The following TRIO variants were observed in gnomAD, a reference collection of about 807,000 sequenced individuals.
The protein encoded by TRIO is triple functional domain protein.
In TRIO, 58 loss-of-function variants were observed where a neutral mutation model predicts 351.9. That is an observed-to-expected ratio of 0.16 (90% CI 0.13 to 0.21). TRIO has a LOEUF of 0.21. TRIO is among the 10% of genes least tolerant of loss of function. The probability of loss-of-function intolerance (pLI) is 1.00; values close to 1 mark genes in which losing one functional copy is unlikely to be tolerated. For synonymous variants in TRIO, 1,758 were observed against 1,595.7 expected, an observed-to-expected ratio of 1.10 and a Z score of -2.42; for missense variants, 3,201 against 4,027.8, an observed-to-expected ratio of 0.79 and a Z score of 5.56.
intron 1 of TRIO, among the ~76,000 whole-genome samples, chr5:14,259,746 C>T (rs1795233721): frequency 6.6e-6 from 1 of 151,584 alleles, no homozygotes; most frequent in Admixed American, 6.6e-5. Flanking sequence ...AGATTGCATG[C>T]TGAATTCAGC....
At chr5:14,181,524 G>A (rs960066513) in intron 1 of TRIO, among the ~76,000 whole-genome samples, 1 of 152,218 alleles carries the variant, frequency 6.6e-6, no homozygotes, top group Admixed American at 6.5e-5. Flanking sequence ...ATTGCAGATG[G>A]TCGTGGGCAG....
chr5:14,386,557 A>G (rs1746560330), intron 21 of TRIO, among the ~76,000 whole-genome samples: 1 of 152,234 alleles, frequency 6.6e-6, no homozygotes, highest in South Asian at 2.1e-4. Context: ...GGAGAATAGC[A>G]GGTTCCATAG....
rs751881856 is a variant in TRIO, at chr5:14,488,114, C to G, written c.7486C>G (p.Arg2496Gly). 1.2e-6 allele frequency: 2 copies of G among 1,609,598 alleles called. No individual in the cohort carries two copies. The highest frequency in any genetic ancestry group is 2.2e-5 in the South Asian group (2 of 90,950). The change falls in exon 48 of 57, where the codon CGA becomes GGA. Residue 2496 changes from arginine (R) to glycine (G), a missense_variant. Transcript: ENST00000344204. ...CTCCATCCCCGCCTCCCCCGCCAGC[C>G]GACCCGGCTCCTTCACCTTCCCGGG... is the stretch of plus-strand genomic sequence containing the variant. Reference protein sequence around the residue: ...WSSIPASPASRPGSFTFPGDS... With the variant: ...WSSIPASPASGPGSFTFPGDS...
chr5:14,158,690 G>A (rs900955051), intron 1 of TRIO, among the ~76,000 whole-genome samples: 1 of 152,114 alleles, frequency 6.6e-6, no homozygotes, highest in Non-Finnish European at 1.5e-5. Context: ...AATTCGCTGG[G>A]CTTGGTGGCG....
intron 33 of TRIO, among the ~76,000 whole-genome samples, chr5:14,413,044 A>G (rs1283945721): frequency 6.6e-6 from 1 of 152,226 alleles, no homozygotes; most frequent in Non-Finnish European, 1.5e-5. Context: ...TGTCTCCGTT[A>G]TACAGATGGC....
chr5:14,406,115 AT>A (rs1468437609), intron 32 of TRIO, 125 bp downstream of exon 32: 1 of 1,327,314 alleles, frequency 7.5e-7, no homozygotes, highest in African/African-American at 1.5e-5. Flanking sequence ...TTAAACTGCC[AT>A]TTGTGGATAA....
chr5:14,201,246 G>A (rs1411047141), intron 1 of TRIO, among the ~76,000 whole-genome samples: 1 of 152,050 alleles, frequency 6.6e-6, no homozygotes, highest in Non-Finnish European at 1.5e-5. Context: ...GGCAACAAGA[G>A]CGAAACTCCA....
intron 1 of TRIO, among the ~76,000 whole-genome samples, chr5:14,174,043 C>T (rs1332341076): frequency 6.6e-6 from 1 of 152,198 alleles, no homozygotes; most frequent in East Asian, 1.9e-4. Flanking sequence ...TGTCTGCTGA[C>T]ATGTGAGGTC....
intron 11 of TRIO, among the ~76,000 whole-genome samples, chr5:14,356,571 CTTAAG>C (rs748933274): frequency 2.6e-5 from 4 of 152,296 alleles, no homozygotes; most frequent in African/African-American, 4.8e-5. Flanking sequence ...TTGGCAGTTT[CTTAAG>C]TTAAGCATAC....
chr5:14,425,363 G>A (rs1231278912), intron 34 of TRIO, among the ~76,000 whole-genome samples: 1 of 152,156 alleles, frequency 6.6e-6, no homozygotes, highest in Non-Finnish European at 1.5e-5. Flanking sequence ...AGAAGATTCC[G>A]TGTTCTGACT....
Position 14,509,366 on chromosome 5 carries a change from A to T in TRIO, c.*944A>T. The T allele has an allele frequency of 5.0e-6, 2 of 403,328 alleles. No individual in the cohort carries two copies. Among genetic ancestry groups the T allele is most frequent in the South Asian group, 3.3e-5 (2 of 60,218 alleles). The allele number at this position is 403,328 out of a possible 1,614,324, so 25.0% of individuals were successfully genotyped here. Reference sequence around the variant, plus strand: ...GAAAAAGCACATACTTCGTATGGTGAGCTTTATGGTTTTGTGTGTGTGTTG... The same window carrying T: ...GAAAAAGCACATACTTCGTATGGTGTGCTTTATGGTTTTGTGTGTGTGTTG... On this transcript the variant is annotated 3_prime_UTR_variant, in exon 57 of 57. Transcript: ENST00000344204.
chr5:14,149,193 A>G (rs1352552504), intron 1 of TRIO, among the ~76,000 whole-genome samples: 1 of 152,148 alleles, frequency 6.6e-6, no homozygotes, highest in Non-Finnish European at 1.5e-5. Flanking sequence ...TGCCCGCAGA[A>G]CAGGACTTCG....
At chr5:14,234,461 T>C (rs1443068847) in intron 1 of TRIO, among the ~76,000 whole-genome samples, 2 of 152,208 alleles carry the variant, frequency 1.3e-5, no homozygotes, top group African/African-American at 2.4e-5. Context: ...AGAAGTCTGA[T>C]GTTTGCCGGA....
At chr5:14,303,192 A>T (rs1374406373) in intron 7 of TRIO, among the ~76,000 whole-genome samples, 1 of 126,124 alleles carries the variant, frequency 7.9e-6, no homozygotes, top group Non-Finnish European at 1.8e-5. Flanking sequence ...AGGACTGTTG[A>T]TGATCCTGGA....
intron 40 of TRIO, among the ~76,000 whole-genome samples, chr5:14,474,363 T>C (rs1005153955): frequency 6.6e-6 from 1 of 152,222 alleles, no homozygotes; most frequent in African/African-American, 2.4e-5. Flanking sequence ...TGGAGCCAGC[T>C]GCCGGAGCTG....
chr5:14,412,728 G>A (rs1182283520), intron 33 of TRIO, among the ~76,000 whole-genome samples: 1 of 152,200 alleles, frequency 6.6e-6, no homozygotes, highest in African/African-American at 2.4e-5. Flanking sequence ...CTTTTCCACA[G>A]GATGGTGCTT....
At chr5:14,481,487 C>T in intron 44 of TRIO, 54 bp from the exon 45 acceptor site, 1 of 1,599,898 alleles carries the variant, frequency 6.3e-7, no homozygotes, top group Non-Finnish European at 8.6e-7. Flanking sequence ...GTGAGCACGT[C>T]AGATTTTCCC....
In TRIO at chr5:14,359,383, C is replaced by A. The variant is rs759501512; in HGVS notation, c.2243C>A (p.Thr748Asn). 5.6e-6 allele frequency: 9 copies of A among 1,613,586 alleles called. No individual in the cohort carries two copies. In the African/African-American group the frequency reaches 1.1e-4, roughly 19 times the overall value. Residue 748 changes from threonine to asparagine, a missense_variant, in exon 13 of 57, where the codon ACC (threonine) becomes AAC (asparagine). Coordinates refer to ENST00000344204, the MANE Select transcript of TRIO (RefSeq NM_007118.4). ...LRDSAISSNK[T>N]PHNSSINHIE... ...GACTCTGCCATCTCCAGTAACAAGACCCCCCACAACAGCTCCATCAACCAC... is the reference window on the plus strand; with the variant it reads ...GACTCTGCCATCTCCAGTAACAAGAACCCCCACAACAGCTCCATCAACCAC...
intron 19 of TRIO, among the ~76,000 whole-genome samples, chr5:14,374,822 G>T (rs1042751524): frequency 1.3e-5 from 2 of 152,030 alleles, no homozygotes; most frequent in African/African-American, 4.8e-5. Flanking sequence ...TATCATTTGA[G>T]TGTAAAAACC....
Sources: allele counts gnomAD v4.1 joint callset (sites outside exome capture counted in the v4.1 genomes callset), GRCh38; gene constraint gnomAD v4.1.1; transcripts MANE v1.5; gene names NCBI Gene and HGNC (gene_info 2026-07-23, HGNC 2026-07-21).